PCDH7: variants seen among roughly 807,000 people sequenced by gnomAD.
PCDH7 encodes the protein protocadherin 7, also known as protocadherin-7.
In PCDH7, 17 loss-of-function variants were observed where a neutral mutation model predicts 58.9. The ratio of observed to expected loss-of-function variants is 0.29; its 90% CI spans 0.20 to 0.43. PCDH7 has a LOEUF of 0.43. PCDH7 is among the 20% of genes least tolerant of loss of function. The probability of loss-of-function intolerance (pLI) is 1.00; values close to 1 mark genes in which losing one functional copy is unlikely to be tolerated. For missense variants in PCDH7, 1,274 were observed against 1,441.0 expected, an observed-to-expected ratio of 0.88 and a Z score of 1.88; for synonymous variants, 664 against 616.4, an observed-to-expected ratio of 1.08 and a Z score of -1.14.
chr4:30,731,096 C>T lies in PCDH7; in HGVS notation c.*308C>T, dbSNP rs1445001907. On this transcript the variant is annotated 3_prime_UTR_variant, in exon 2 of 2. Transcript: ENST00000361762. Reference sequence around the variant, plus strand: ...TAACAGTGATGTCTTTTAAAAAATCCAAAAGCATATTGCAACAATAAGTTT... The same window carrying T: ...TAACAGTGATGTCTTTTAAAAAATCTAAAAGCATATTGCAACAATAAGTTT... The T allele has an allele frequency of 2.8e-6, 3 of 1,082,528 alleles. No individual in the cohort carries two copies. In the South Asian group the frequency reaches 1.3e-4, roughly 48 times the overall value. The allele number at this position is 1,082,528 out of a possible 1,614,324, so 67.1% of individuals were successfully genotyped here. A position where few individuals can be genotyped will look rare whatever the true frequency, so the allele number is the denominator to read the frequency against.
At chr4:30,728,906 CTGTA>C (rs1715043395) in intron 1 of PCDH7, among the ~76,000 whole-genome samples, 1 of 151,270 alleles carries the variant, frequency 6.6e-6, no homozygotes, top group South Asian at 2.1e-4. Flanking sequence ...CCATTTATAG[CTGTA>C]TTAGTCTTTT....
intron 1 of PCDH7, among the ~76,000 whole-genome samples, chr4:30,825,926 A>T (rs1485301803): frequency 6.6e-6 from 1 of 152,150 alleles, no homozygotes; most frequent in African/African-American, 2.4e-5. Context: ...AATGTAGCAT[A>T]TTCTTTAAAT....
chr4:30,980,360 G>T (rs1215681952), intron 3 of PCDH7, among the ~76,000 whole-genome samples: 1 of 152,166 alleles, frequency 6.6e-6, no homozygotes, highest in South Asian at 2.1e-4. Flanking sequence ...TTTTTTGTGT[G>T]TGTGTCTGTT....
chr4:30,743,964 G>A (rs1040826058), intron 1 of PCDH7, among the ~76,000 whole-genome samples: 1 of 152,100 alleles, frequency 6.6e-6, no homozygotes, highest in African/African-American at 2.4e-5. Flanking sequence ...TAGAAATTCT[G>A]TACTTGGCAA....
chr4:30,941,134 G>C (rs1396917520), intron 2 of PCDH7, among the ~76,000 whole-genome samples: 1 of 151,666 alleles, frequency 6.6e-6, no homozygotes, highest in African/African-American at 2.4e-5. Context: ...TAAGTGTCTG[G>C]GATGCTTTAT....
intron 3 of PCDH7, among the ~76,000 whole-genome samples, chr4:30,977,195 A>T (rs547390326): frequency 1.3e-5 from 2 of 152,316 alleles, no homozygotes; most frequent in East Asian, 3.9e-4. Flanking sequence ...AATTAGAACT[A>T]CTATCTCTAT....
chr4:31,066,367 G>A (rs973126545), intron 3 of PCDH7, among the ~76,000 whole-genome samples: 3 of 151,758 alleles, frequency 2.0e-5, no homozygotes, highest in African/African-American at 7.3e-5. Context: ...AATATATTAA[G>A]TCACCCCTCC....
intron 1 of PCDH7, among the ~76,000 whole-genome samples, chr4:30,877,397 A>C (rs1736428537): frequency 6.6e-6 from 1 of 152,156 alleles, no homozygotes; most frequent in South Asian, 2.1e-4. Flanking sequence ...GGCACCTCGT[A>C]GTGTATTGAT....
At chr4:30,809,634 A>G (rs1485843851) in intron 1 of PCDH7, among the ~76,000 whole-genome samples, 5 of 152,214 alleles carry the variant, frequency 3.3e-5, no homozygotes, top group African/African-American at 1.2e-4. Context: ...CTTCTGAGGA[A>G]AAACAATTTG....
At chr4:30,901,550 A>G (rs996647884) in intron 1 of PCDH7, among the ~76,000 whole-genome samples, 2 of 152,208 alleles carry the variant, frequency 1.3e-5, no homozygotes, top group African/African-American at 2.4e-5. Context: ...GCCAGAGTGG[A>G]GAACAGCTGA....
intron 3 of PCDH7, among the ~76,000 whole-genome samples, chr4:30,983,476 A>T (rs897038452): frequency 2.6e-5 from 4 of 152,224 alleles, no homozygotes; most frequent in African/African-American, 9.6e-5. Context: ...TTTGTTTAAT[A>T]AAAAGCTAAC....
At chr4:30,781,226 T>TA (rs1276213395) in intron 1 of PCDH7, among the ~76,000 whole-genome samples, 1 of 151,922 alleles carries the variant, frequency 6.6e-6, no homozygotes, top group East Asian at 1.9e-4. Flanking sequence ...TTCTTTTTTT[T>TA]TTTTTTTGAG....
intron 1 of PCDH7, among the ~76,000 whole-genome samples, chr4:30,849,767 T>G (rs1732473649): frequency 6.6e-6 from 1 of 152,006 alleles, no homozygotes; most frequent in South Asian, 2.1e-4. Flanking sequence ...TTCTGTGAGG[T>G]CTCCTTTCTT....
chr4:31,117,046 A>G (rs914833024), intron 3 of PCDH7, among the ~76,000 whole-genome samples: 18 of 151,942 alleles, frequency 1.2e-4, no homozygotes, highest in Admixed American at 2.6e-4. Flanking sequence ...TTTGTATTTT[A>G]TCCAGCTAAT....
At chr4:31,016,700 T>A (rs972643570) in intron 3 of PCDH7, among the ~76,000 whole-genome samples, 1 of 152,192 alleles carries the variant, frequency 6.6e-6, no homozygotes, top group African/African-American at 2.4e-5. Context: ...GGAATCCATT[T>A]GTAGGATAAT....
chr4:31,105,321 C>T (rs1417608289), intron 3 of PCDH7, among the ~76,000 whole-genome samples: 4 of 152,046 alleles, frequency 2.6e-5, no homozygotes, highest in African/African-American at 4.8e-5. Context: ...TAGCAATATT[C>T]TATTTAACAT....
intron 2 of PCDH7, among the ~76,000 whole-genome samples, chr4:30,926,599 A>T (rs1279089466): frequency 1.3e-5 from 2 of 152,204 alleles, no homozygotes; most frequent in Non-Finnish European, 2.9e-5. Context: ...TCTCACCTTA[A>T]ATATTTTCCA....
At chr4:30,876,543 C>T (rs889293040) in intron 1 of PCDH7, among the ~76,000 whole-genome samples, 9 of 151,876 alleles carry the variant, frequency 5.9e-5, no homozygotes, top group African/African-American at 1.5e-4. Flanking sequence ...TAATACTGTA[C>T]ATTTGTATTA....
At position 31,101,658 on chromosome 4, in the gene PCDH7, A is replaced by T. The variant is rs192650652; in HGVS notation, c.*8-40815A>T. Among the ~76,000 whole-genome samples the T allele has an allele frequency of 2.0e-5, 3 of 152,298 alleles. No individual in the cohort carries two copies. The East Asian group carries it at 5.8e-4, about 29-fold the overall frequency. The stretch of plus-strand genomic sequence containing the variant: ...TTGAATTCCTGCATATTAGGCTGTT[A>T]TTTCTAAATATGAAAAGTCTTATCT... On this transcript the variant is annotated intron_variant, in intron 3 of 3. Coordinates refer to the PCDH7 transcript ENST00000509759.
Sources: allele counts gnomAD v4.1 joint callset (sites outside exome capture counted in the v4.1 genomes callset), GRCh38; gene constraint gnomAD v4.1.1; transcripts MANE v1.5; gene names NCBI Gene and HGNC (gene_info 2026-07-23, HGNC 2026-07-21).